Variants in NTM observed in about 807,000 individuals in gnomAD.
NTM encodes neurotrimin.
In NTM, 13 loss-of-function variants were observed where a neutral mutation model predicts 42.1. That is an observed-to-expected ratio of 0.31 (90% CI 0.20 to 0.49). The LOEUF (loss-of-function observed/expected upper bound fraction) is 0.49, where lower values mean the gene tolerates loss of function less well. Among genes scored for constraint, NTM ranks in the 20% least tolerant of loss-of-function variants. The probability of loss-of-function intolerance (pLI) is 0.99; values close to 1 mark genes in which losing one functional copy is unlikely to be tolerated. For missense variants in NTM, 373 were observed against 452.8 expected, an observed-to-expected ratio of 0.82 and a Z score of 1.60; for synonymous variants, 187 against 179.2, an observed-to-expected ratio of 1.04 and a Z score of -0.35.
intron 1 of NTM, among the ~76,000 whole-genome samples, chr11:131,710,097 G>A (rs1050988308): frequency 1.3e-5 from 2 of 152,170 alleles, no homozygotes; most frequent in Non-Finnish European, 1.5e-5. Context: ...TGGGGTCAAA[G>A]AGGGGGTGGA....
chr11:131,943,105 T>G (rs669576), intron 2 of NTM, among the ~76,000 whole-genome samples: 118,558 of 152,126 alleles, frequency 0.78, 46,324 homozygotes, highest in East Asian at 0.94. Context: ...GCCTAGCATG[T>G]TCACTGTGGC....
intron 4 of NTM, among the ~76,000 whole-genome samples, chr11:132,270,479 T>A (rs1454865403): frequency 6.6e-6 from 1 of 152,156 alleles, no homozygotes; most frequent in Non-Finnish European, 1.5e-5. Context: ...TCAGCCGATC[T>A]TGGCCTCCCA....
At chr11:131,834,644 A>ATG (rs61590253) in intron 1 of NTM, among the ~76,000 whole-genome samples, 1 of 145,570 alleles carries the variant, frequency 6.9e-6, no homozygotes, top group South Asian at 2.2e-4. Context: ...ATATATATAT[A>ATG]TGTATAATCT....
chr11:132,196,937 G>A (rs1446655213), intron 3 of NTM, among the ~76,000 whole-genome samples: 1 of 152,104 alleles, frequency 6.6e-6, no homozygotes, highest in Non-Finnish European at 1.5e-5. Flanking sequence ...TGACATAAAA[G>A]CCAAGAGAAA....
intron 6 of NTM, 49 bp from the exon 7 acceptor site, chr11:132,314,503 G>A: frequency 6.4e-7 from 1 of 1,567,458 alleles, no homozygotes. Context: ...TTCCTATGAG[G>A]ACACATAACC....
chr11:131,517,199 C>T (rs1444755875), intron 1 of NTM, among the ~76,000 whole-genome samples: 1 of 152,164 alleles, frequency 6.6e-6, no homozygotes, highest in African/African-American at 2.4e-5. Context: ...CCAATCATGA[C>T]CTCCAAATGG....
At chr11:131,868,899 G>GA (rs1257335872) in intron 1 of NTM, among the ~76,000 whole-genome samples, 1 of 152,124 alleles carries the variant, frequency 6.6e-6, no homozygotes, top group African/African-American at 2.4e-5. Context: ...CCTCTGTCTT[G>GA]AAGAGACTCA....
At chr11:131,947,787 T>C (rs914892607) in intron 2 of NTM, among the ~76,000 whole-genome samples, 1 of 152,198 alleles carries the variant, frequency 6.6e-6, no homozygotes. Flanking sequence ...TGAGTGATGG[T>C]GTTCTCTCCT....
chr11:131,436,392 G>A (rs1382717845), intron 1 of NTM, among the ~76,000 whole-genome samples: 2 of 152,082 alleles, frequency 1.3e-5, no homozygotes, highest in South Asian at 2.1e-4. Flanking sequence ...GGTAGGATTC[G>A]GCTATGAATC....
chr11:132,163,690 C>T (rs1216436380), intron 3 of NTM, among the ~76,000 whole-genome samples: 1 of 152,218 alleles, frequency 6.6e-6, no homozygotes, highest in Non-Finnish European at 1.5e-5. Flanking sequence ...TAACCTGACT[C>T]AAAGGACTGT....
intron 1 of NTM, among the ~76,000 whole-genome samples, chr11:131,766,147 G>T (rs1192217418): frequency 2.0e-5 from 3 of 152,188 alleles, no homozygotes; most frequent in East Asian, 1.9e-4. Context: ...ACGGCAGCCA[G>T]CTGTTTCTCT....
At chr11:131,375,332 T>G (rs1565439870) in intron 1 of NTM, among the ~76,000 whole-genome samples, 2 of 152,240 alleles carry the variant, frequency 1.3e-5, no homozygotes. Flanking sequence ...TTTACTTCCT[T>G]TCTGCTCTAT....
intron 1 of NTM, among the ~76,000 whole-genome samples, chr11:131,571,730 C>G (rs1160507166): frequency 6.6e-6 from 1 of 152,196 alleles, no homozygotes; most frequent in East Asian, 1.9e-4. Flanking sequence ...TGTCGGATTT[C>G]CTTCTCTGAA....
At chr11:132,087,163 C>T (rs2059821897) in intron 2 of NTM, among the ~76,000 whole-genome samples, 1 of 152,128 alleles carries the variant, frequency 6.6e-6, no homozygotes, top group African/African-American at 2.4e-5. Flanking sequence ...ATTCCCAAGT[C>T]CCAGTGACCT....
chr11:131,560,414 T>G (rs745442832), intron 1 of NTM, among the ~76,000 whole-genome samples: 6 of 152,200 alleles, frequency 3.9e-5, no homozygotes, highest in Non-Finnish European at 7.3e-5. Flanking sequence ...ATGCCATCAA[T>G]TCTCTAGTAA....
chr11:131,600,203 G>T lies in NTM; in HGVS notation c.82+229315G>T, dbSNP rs979542454. ...GGTGAGGGTTGTAGGGAGACACCTT[G>T]CTGTTTAATAAATAATAGAAGAGAT... On this transcript the variant is annotated intron_variant, in intron 1 of 8. Coordinates refer to ENST00000683400, the MANE Select transcript of NTM (RefSeq NM_001352005.2). Among the ~76,000 whole-genome samples the T allele has an allele frequency of 5.3e-5, 8 of 152,158 alleles. No individual in the cohort carries two copies. In the East Asian group the frequency reaches 9.6e-4, roughly 18 times the overall value.
chr11:131,508,303 A>G (rs974324810), intron 1 of NTM, among the ~76,000 whole-genome samples: 13 of 146,600 alleles, frequency 8.9e-5, no homozygotes, highest in Admixed American at 3.4e-4. Flanking sequence ...ATCACTGGCC[A>G]TCAGAGAAAT....
intron 2 of NTM, among the ~76,000 whole-genome samples, chr11:132,118,183 T>C (rs2064175635): frequency 1.3e-5 from 2 of 152,212 alleles, no homozygotes; most frequent in South Asian, 4.1e-4. Flanking sequence ...AAAGCGTAAG[T>C]TGAGCAGATA....
chr11:131,740,471 T>G (rs2081042529), intron 1 of NTM, among the ~76,000 whole-genome samples: 1 of 152,234 alleles, frequency 6.6e-6, no homozygotes, highest in African/African-American at 2.4e-5. Context: ...AGTTCTTACC[T>G]ACTAATTGGA....
Sources: gnomAD v4.1 joint callset for allele counts (sites outside exome capture counted in the v4.1 genomes callset) on GRCh38, gnomAD v4.1.1 for gene constraint, MANE v1.5 for transcripts, NCBI Gene and HGNC (gene_info 2026-07-23, HGNC 2026-07-21) for gene names.